The following CELF2 variants were observed in gnomAD, a reference collection of about 807,000 sequenced individuals.
CELF2 encodes CUG triplet repeat RNA-binding protein 2.
Under a neutral mutation model 62.6 loss-of-function variants are expected in CELF2, and 8 were observed. The ratio of observed to expected loss-of-function variants is 0.13; its 90% CI spans 0.07 to 0.23. CELF2 has a LOEUF of 0.23. Ranked by LOEUF, CELF2 falls within the 10% of genes least tolerant of loss-of-function variation. The pLI, the probability that CELF2 is intolerant of heterozygous loss-of-function variation, is 1.00. For synonymous variants in CELF2, 258 were observed against 250.0 expected (o/e 1.03, Z -0.30); for missense variants, 333 against 671.0 (o/e 0.50, Z 5.56).
In CELF2 at chr10:11,278,431, C is replaced by T. The variant is rs186288477; in HGVS notation, c.841+3311C>T. ...GAAAACTTGTCCATTTCTCTCTCAG[C>T]GGTGATATTTGTTCAGTGAATTTCA... is the stretch of plus-strand genomic sequence containing the variant. On this transcript the variant is annotated intron_variant, in intron 8 of 12. Transcript: ENST00000633077. 1.6e-4 allele frequency among the ~76,000 whole-genome samples: 24 copies of T among 152,232 alleles called. No homozygotes were observed. In the East Asian group the frequency reaches 2.7e-3, roughly 17 times the overall value.
intron 4 of CELF2, among the ~76,000 whole-genome samples, chr10:11,257,376 A>C (rs1414749902): frequency 6.6e-6 from 1 of 151,366 alleles, no homozygotes; most frequent in Non-Finnish European, 1.5e-5. Flanking sequence ...ATCTGTATCC[A>C]AAAATATCCC....
intron 2 of CELF2, among the ~76,000 whole-genome samples, chr10:10,924,354 T>G (rs971624386): frequency 2.1e-5 from 3 of 144,844 alleles, no homozygotes; most frequent in African/African-American, 7.5e-5. Flanking sequence ...ACTGTAATCA[T>G]GCACTATGAG....
chr10:10,796,943 C>T (rs182780675), upstream of CELF2: 2 of 962,940 alleles, frequency 2.1e-6, no homozygotes, highest in Non-Finnish European at 2.5e-6. Context: ...GAGACAGTTG[C>T]ACTTCTGAAG....
chr10:10,623,920 C>T, the CELF2 span, among the ~76,000 whole-genome samples: 1 of 152,128 alleles, frequency 6.6e-6, no homozygotes, highest in East Asian at 1.9e-4. Context: ...TGGCCCGGAA[C>T]CCAGGTAGTC....
intron 1 of CELF2, among the ~76,000 whole-genome samples, chr10:10,860,812 G>A (rs898740837): frequency 2.6e-5 from 4 of 152,194 alleles, no homozygotes; most frequent in Admixed American, 2.6e-4. Context: ...AGTGTGATGA[G>A]GCATTTGCCT....
chr10:10,761,905 CGT>C, the CELF2 span, among the ~76,000 whole-genome samples: 24,335 of 128,640 alleles, frequency 0.19, 2,232 homozygotes, highest in East Asian at 0.36. Flanking sequence ...TATAATAAAC[CGT>C]GTGTGTGTGT....
chr10:11,176,500 A>G (rs190132204), intron 2 of CELF2, among the ~76,000 whole-genome samples: 136 of 152,340 alleles, frequency 8.9e-4, no homozygotes, highest in Non-Finnish European at 1.5e-3. Flanking sequence ...ATGTGTGTGG[A>G]ACTCTGACGT....
At chr10:10,777,140 C>G in the CELF2 span, among the ~76,000 whole-genome samples, 1 of 152,158 alleles carries the variant, frequency 6.6e-6, no homozygotes, top group Admixed American at 6.5e-5. Flanking sequence ...GCTCTTGGCA[C>G]TAACTTCTCC....
intron 3 of CELF2, among the ~76,000 whole-genome samples, chr10:11,232,826 C>T (rs79323504): frequency 0.011 from 1,651 of 152,228 alleles, 29 homozygotes; most frequent in East Asian, 0.034. Context: ...GCATATGTGG[C>T]GGGACTGTCA....
At chr10:11,320,951 C>T in intron 10 of CELF2, 2 of 1,538,706 alleles carry the variant, frequency 1.3e-6, no homozygotes, top group South Asian at 1.2e-5. Context: ...CTAACTCGTG[C>T]CACAGTGCAT....
chr10:10,563,962 G>T, the CELF2 span, among the ~76,000 whole-genome samples: 1 of 152,230 alleles, frequency 6.6e-6, no homozygotes, highest in African/African-American at 2.4e-5. Flanking sequence ...CAACACGCAA[G>T]AGTGTGGCTC....
At chr10:10,949,917 T>C (rs142951068) in intron 2 of CELF2, among the ~76,000 whole-genome samples, 3 of 152,042 alleles carry the variant, frequency 2.0e-5, no homozygotes, top group East Asian at 3.9e-4. Context: ...TTATTTTGTC[T>C]ACCTGAGACA....
At chr10:11,205,086 A>C (rs1275606745) in intron 2 of CELF2, among the ~76,000 whole-genome samples, 2 of 152,252 alleles carry the variant, frequency 1.3e-5, no homozygotes, top group East Asian at 3.8e-4. Context: ...TTGATTGACT[A>C]TTTAGAGGTC....
chr10:10,573,720 G>C, the CELF2 span, among the ~76,000 whole-genome samples: 3 of 151,940 alleles, frequency 2.0e-5, no homozygotes, highest in African/African-American at 7.3e-5. Context: ...GATTAAATGA[G>C]AAATAGAATA....
chr10:11,292,052 T>C (rs1318345098), intron 9 of CELF2, among the ~76,000 whole-genome samples: 1 of 152,178 alleles, frequency 6.6e-6, no homozygotes, highest in Non-Finnish European at 1.5e-5. Flanking sequence ...ACATCCAGGA[T>C]CATAGACTGG....
the CELF2 span, among the ~76,000 whole-genome samples, chr10:10,727,078 C>A: frequency 6.6e-6 from 1 of 152,250 alleles, no homozygotes; most frequent in Admixed American, 6.5e-5. Context: ...ATGGTGCTAA[C>A]CCGTTAGAAA....
rs1419558381 is a variant in CELF2 at position 10,803,624 on chromosome 10, C to A, written c.53+4807C>A. ...GATGGACTGAATCATAGGCAACAGC[C>A]AGTACTCAACTATATTGACTTATAA... On this transcript the variant is annotated intron_variant, in intron 1 of 13. Transcript: ENST00000636488. Among the ~76,000 whole-genome samples, 8 of 152,316 alleles carry A rather than the reference C, an allele frequency of 5.3e-5. 1 individual carries two copies. The highest frequency in any genetic ancestry group is 1.9e-4 in the African/African-American group (8 of 41,564).
rs1411587422 is a variant in CELF2 at position 11,242,363 on chromosome 10, T to C, written c.355-6790T>C. Among the ~76,000 whole-genome samples the C allele has an allele frequency of 6.6e-6, 1 of 152,174 alleles. No homozygotes were observed. Among genetic ancestry groups the C allele is most frequent in the Non-Finnish European group, 1.5e-5 (1 of 68,024 alleles). ...GCCAGCTGTGCCCCCTGCCCGCAGC[T>C]GCTTCCTTCCCCCAGGACTCTGTCT... On this transcript the variant is annotated intron_variant, in intron 3 of 12. Transcript: ENST00000633077. The surrounding 1 kb of genome is among the most constrained non-coding windows in gnomAD (Gnocchi z 4.8).
chr10:11,269,899 T>G lies in CELF2; in HGVS notation c.619-767T>G, dbSNP rs2083250318. On this transcript the variant is annotated intron_variant, in intron 6 of 12. Transcript: ENST00000633077. The surrounding 1 kb of genome is among the most constrained non-coding windows in gnomAD (Gnocchi z 4.4). ...GAAGCTGCTAGAATGGTGAGATTCA[T>G]TAGGGAAAGAAGCCAAGTGGACTCC... Among the ~76,000 whole-genome samples, 1 of 152,178 alleles carries G rather than the reference T, an allele frequency of 6.6e-6. No homozygotes were observed. The highest frequency in any genetic ancestry group is 1.5e-5 in the Non-Finnish European group (1 of 68,028).
Sources: allele counts gnomAD v4.1 joint callset (sites outside exome capture counted in the v4.1 genomes callset), GRCh38; gene constraint gnomAD v4.1.1; non-coding constraint Gnocchi (gnomAD v3.1); transcripts MANE v1.5; gene names NCBI Gene and HGNC (gene_info 2026-07-23, HGNC 2026-07-21).